The following HIPK2 variants were observed in gnomAD, a reference collection of about 807,000 sequenced individuals.
HIPK2 encodes the protein homeodomain-interacting protein kinase 2.
A neutral mutation model predicts 113.7 loss-of-function variants in HIPK2; 27 were observed. The observed-to-expected ratio is 0.24, with a 90% CI of 0.17 to 0.33. The LOEUF is 0.33. HIPK2 is among the 10% of genes least tolerant of loss of function. The pLI is 1.00. For synonymous variants in HIPK2, 631 were observed against 642.2 expected (o/e 0.98, Z 0.26); for missense variants, 1,257 against 1,588.0 (o/e 0.79, Z 3.54).
intron 2 of HIPK2, among the ~76,000 whole-genome samples, chr7:139,708,550 T>C (rs1372620335): frequency 6.6e-6 from 1 of 152,132 alleles, no homozygotes; most frequent in Non-Finnish European, 1.5e-5. Flanking sequence ...AGCCCAAGAG[T>C]AGTTCTGGCC....
At position 139,562,695 on chromosome 7, in the gene HIPK2, A is replaced by C. The variant is rs1383054721; in HGVS notation, c.*10232T>G. On this transcript the variant is annotated 3_prime_UTR_variant, in exon 15 of 15. Coordinates refer to ENST00000406875, the MANE Select transcript of HIPK2 (RefSeq NM_022740.5). ...TGGCTCTGCCGTGGTGAGGTGGATG[A>C]CAAGGGCCCGGCGCCACGCCTCAGC... The C allele has an allele frequency of 6.6e-6, 1 of 152,266 alleles. No homozygotes were observed. Among genetic ancestry groups the C allele is most frequent in the South Asian group, 2.1e-4 (1 of 4,830 alleles). 9.4% of individuals were successfully genotyped at this position (152,266 alleles called of 1,614,324 possible).
At chr7:139,647,420 A>T (rs1230272223) in intron 2 of HIPK2, among the ~76,000 whole-genome samples, 2 of 152,216 alleles carry the variant, frequency 1.3e-5, no homozygotes, top group Non-Finnish European at 2.9e-5. Flanking sequence ...TGTGAAGAAG[A>T]AGTGAAAACT....
intron 2 of HIPK2, among the ~76,000 whole-genome samples, chr7:139,708,365 AT>A (rs1305946329): frequency 6.6e-6 from 1 of 150,994 alleles, no homozygotes; most frequent in East Asian, 1.9e-4. Flanking sequence ...TCATACCTCA[AT>A]AAACTGTGTG....
chr7:139,714,323 G>C lies in HIPK2; in HGVS notation c.1103+1609C>G, dbSNP rs1277186563. Among the ~76,000 whole-genome samples, 1 of 152,214 alleles carries C rather than the reference G, an allele frequency of 6.6e-6. No individual in the cohort carries two copies. Among genetic ancestry groups the C allele is most frequent in the African/African-American group, 2.4e-5 (1 of 41,448 alleles). Reference sequence around the variant, plus strand: ...GCCTCGAAACCTCCTGTGTGAGTCAGGATTAGGATGAAAGGAGACGGGGTG... The same window carrying C: ...GCCTCGAAACCTCCTGTGTGAGTCACGATTAGGATGAAAGGAGACGGGGTG... On this transcript the variant is annotated intron_variant, in intron 2 of 14. Coordinates refer to ENST00000406875, the MANE Select transcript of HIPK2 (RefSeq NM_022740.5). The surrounding 1 kb of genome is among the most constrained non-coding windows in gnomAD (Gnocchi z 4.2).
At chr7:139,608,058 T>C (rs1011773091) in intron 9 of HIPK2, among the ~76,000 whole-genome samples, 1 of 151,808 alleles carries the variant, frequency 6.6e-6, no homozygotes, top group Non-Finnish European at 1.5e-5. Context: ...GGCCAACACA[T>C]TGAAACCTAG....
chr7:139,572,884 G>T lies in HIPK2; in HGVS notation c.*43C>A. The T allele has an allele frequency of 7.2e-7, 1 of 1,393,772 alleles. No homozygotes were observed. The highest frequency in any genetic ancestry group is 9.4e-7 in the Non-Finnish European group (1 of 1,059,054). 86.3% of individuals were successfully genotyped at this position (1,393,772 alleles called of 1,614,324 possible). On this transcript the variant is annotated 3_prime_UTR_variant, in exon 15 of 15. Transcript: ENST00000406875. ...CCCTCCTTCTCTCCCTCCTCCCTCG[G>T]GCCATTCTCTCCCTCCCTCCCTCCC...
At chr7:139,653,609 T>C (rs1418996650) in intron 2 of HIPK2, among the ~76,000 whole-genome samples, 2 of 151,994 alleles carry the variant, frequency 1.3e-5, no homozygotes, top group African/African-American at 2.4e-5. Context: ...TGGGATTACC[T>C]GACCTGGTGT....
chr7:139,689,874 G>T (rs576415076), intron 2 of HIPK2, among the ~76,000 whole-genome samples: 58 of 152,284 alleles, frequency 3.8e-4, no homozygotes, highest in Admixed American at 1.2e-3. Context: ...GAGCGGCAGA[G>T]CTTCCCTGAC....
chr7:139,757,114 A>G (rs1052877973), intron 1 of HIPK2, among the ~76,000 whole-genome samples: 7 of 152,198 alleles, frequency 4.6e-5, no homozygotes, highest in African/African-American at 1.7e-4. Flanking sequence ...TCCTCCTGAA[A>G]AGATGAGACA....
In HIPK2 at chr7:139,563,758, C is replaced by T; in HGVS notation, c.*9169G>A. ...CTAAGAACACGCTGTCAATACAGTT[C>T]ACAGGGAAAAAGCAAATGTGGTATT... is the stretch of plus-strand genomic sequence containing the variant. On this transcript the variant is annotated 3_prime_UTR_variant, in exon 15 of 15. Transcript: ENST00000406875. 1 of 398,346 alleles carries T rather than the reference C, an allele frequency of 2.5e-6. No individual in the cohort carries two copies. Among genetic ancestry groups the T allele is most frequent in the Non-Finnish European group, 4.4e-6 (1 of 226,006 alleles). 24.7% of individuals were successfully genotyped at this position (398,346 alleles called of 1,614,324 possible). A position where few individuals can be genotyped will look rare whatever the true frequency, so the allele number is the denominator to read the frequency against.
At chr7:139,721,241 T>C (rs1795400214) in intron 1 of HIPK2, among the ~76,000 whole-genome samples, 1 of 152,248 alleles carries the variant, frequency 6.6e-6, no homozygotes, top group Non-Finnish European at 1.5e-5. Context: ...CAAGATATAG[T>C]TAAAGTCTTT....
chr7:139,747,632 C>T (rs1796211374), intron 1 of HIPK2, among the ~76,000 whole-genome samples: 1 of 152,220 alleles, frequency 6.6e-6, no homozygotes, highest in Non-Finnish European at 1.5e-5. Flanking sequence ...TTCACTTTTA[C>T]TCCCACCTAG....
chr7:139,765,049 T>C lies in HIPK2; in HGVS notation c.19+12556A>G, dbSNP rs532193172. ...TAATCAGGAAGTTGAGGCAGGAGAA[T>C]CTCTTGAACCCAGGAGGCAGAGGTT... On this transcript the variant is annotated intron_variant, in intron 1 of 14. Transcript: ENST00000406875. 4.6e-5 allele frequency among the ~76,000 whole-genome samples: 7 copies of C among 151,568 alleles called. No homozygotes were observed. The South Asian group carries it at 1.5e-3, about 32-fold the overall frequency.
At chr7:139,719,092 T>G (rs1294298149) in intron 1 of HIPK2, among the ~76,000 whole-genome samples, 1 of 152,154 alleles carries the variant, frequency 6.6e-6, no homozygotes, top group Admixed American at 6.6e-5. Context: ...CCATCCCGTG[T>G]CTGATTGCAC....
At chr7:139,655,274 CAAAT>C (rs1389097515) in intron 2 of HIPK2, among the ~76,000 whole-genome samples, 3 of 152,198 alleles carry the variant, frequency 2.0e-5, no homozygotes, top group Non-Finnish European at 4.4e-5. Context: ...AGCAGGCACA[CAAAT>C]AAATTCAGAG....
At chr7:139,674,888 C>T (rs1013870788) in intron 2 of HIPK2, among the ~76,000 whole-genome samples, 3 of 152,194 alleles carry the variant, frequency 2.0e-5, no homozygotes, top group Non-Finnish European at 4.4e-5. Context: ...TCCATCCCAG[C>T]TGCCGCTTCC....
At chr7:139,692,554 T>C (rs1359505624) in intron 2 of HIPK2, among the ~76,000 whole-genome samples, 1 of 152,214 alleles carries the variant, frequency 6.6e-6, no homozygotes, top group Non-Finnish European at 1.5e-5. Context: ...TAGGTTTCTA[T>C]TGTCATCTGT....
intron 6 of HIPK2, 35 bp from the exon 7 acceptor site, chr7:139,620,598 T>A (rs755159955): frequency 6.2e-6 from 10 of 1,609,082 alleles, no homozygotes; most frequent in Non-Finnish European, 5.9e-6. Flanking sequence ...TATTGAGACA[T>A]AAGGGGAGGG....
At chr7:139,688,637 A>G (rs1450126588) in intron 2 of HIPK2, among the ~76,000 whole-genome samples, 1 of 152,228 alleles carries the variant, frequency 6.6e-6, no homozygotes, top group Non-Finnish European at 1.5e-5. Flanking sequence ...CAATCTTAGC[A>G]TCAAGTCCTC....
Sources: allele counts gnomAD v4.1 joint callset (sites outside exome capture counted in the v4.1 genomes callset), GRCh38; gene constraint gnomAD v4.1.1; non-coding constraint Gnocchi (gnomAD v3.1); transcripts MANE v1.5; gene names NCBI Gene and HGNC (gene_info 2026-07-23, HGNC 2026-07-21).